The following ZNF789 variants were observed in gnomAD, a reference collection of about 807,000 sequenced individuals.
The protein encoded by ZNF789 is zinc finger protein 789.
A neutral mutation model predicts 15.6 loss-of-function variants in ZNF789; 11 were observed. The observed-to-expected ratio is 0.70, with a 90% CI of 0.44 to 1.16. The LOEUF (loss-of-function observed/expected upper bound fraction) is 1.16, where lower values mean the gene tolerates loss of function less well. Among genes scored for constraint, ZNF789 ranks in the 50% most tolerant of loss-of-function variants. The pLI, the probability that ZNF789 is intolerant of heterozygous loss-of-function variation, is 0.00. For missense variants in ZNF789, 461 were observed against 512.6 expected, an observed-to-expected ratio of 0.90 and a Z score of 0.97; for synonymous variants, 159 against 176.0, an observed-to-expected ratio of 0.90 and a Z score of 0.76.
chr7:99,483,544 T>A (rs1799755837), intron 3 of ZNF789: 2 of 576,896 alleles, frequency 3.5e-6, no homozygotes, highest in Non-Finnish European at 6.3e-6. Flanking sequence ...GGCAGAAGAA[T>A]TACTTGATCC....
intron 4 of ZNF789, among the ~76,000 whole-genome samples, chr7:99,485,647 C>T (rs1438786572): frequency 6.6e-6 from 1 of 152,122 alleles, no homozygotes; most frequent in Non-Finnish European, 1.5e-5. Context: ...GCCTGGCCAA[C>T]ATGGCGAAAT....
At chr7:99,485,205 C>T in intron 4 of ZNF789, 3 of 1,536,060 alleles carry the variant, frequency 2.0e-6, no homozygotes, top group Non-Finnish European at 2.6e-6. Context: ...TGTCCCGATG[C>T]AGCTGCTCCT....
Position 99,487,236 on chromosome 7 carries a change from A to G in ZNF789, c.1026A>G (p.Lys342=), listed in dbSNP as rs1189878988. The change falls in exon 5 of 5, where the codon AAA becomes AAG. Residue 342 remains lysine (K), a synonymous_variant. Coordinates refer to ENST00000331410, the MANE Select transcript of ZNF789 (RefSeq NM_213603.3). ...TTCACAGTAAACCGAACACCCATAA[A>G]TGCAGTGAATGTGGACAGTCCTTTG... ...QQIHSKPNTH[K]CSECGQSFGR... 6.2e-7 allele frequency: 1 copy of G among 1,614,222 alleles called. No individual in the cohort carries two copies. The highest frequency in any genetic ancestry group is 8.5e-7 in the Non-Finnish European group (1 of 1,180,042).
At chr7:99,476,580 T>C in intron 2 of ZNF789, 100 bp downstream of exon 2, 1 of 1,459,682 alleles carries the variant, frequency 6.9e-7, no homozygotes, top group East Asian at 2.5e-5. Flanking sequence ...GAGTTTTCCT[T>C]CTTAGACAGT....
intron 4 of ZNF789, among the ~76,000 whole-genome samples, chr7:99,486,144 C>T (rs1286215535): frequency 6.6e-6 from 1 of 152,066 alleles, no homozygotes; most frequent in Non-Finnish European, 1.5e-5. Flanking sequence ...ATGGTGAAAC[C>T]CCGTCTCTAC....
At chr7:99,477,043 GT>G (rs1466672669) in intron 2 of ZNF789, among the ~76,000 whole-genome samples, 2 of 151,340 alleles carry the variant, frequency 1.3e-5, no homozygotes, top group Non-Finnish European at 2.9e-5. Context: ...AGACTGAGTT[GT>G]TTTGTCTTTT....
chr7:99,475,806 C>CTTTTTT (rs59681284), intron 1 of ZNF789, among the ~76,000 whole-genome samples: 2 of 128,370 alleles, frequency 1.6e-5, no homozygotes, highest in African/African-American at 3.1e-5. Context: ...TTTTTTCTTT[C>CTTTTTT]TTTTTTTTTT....
At chr7:99,485,352 C>A in intron 4 of ZNF789, 3 of 793,002 alleles carry the variant, frequency 3.8e-6, no homozygotes, top group Non-Finnish European at 6.4e-6. Flanking sequence ...CACTAGATGC[C>A]AGTTGAACCT....
At chr7:99,479,449 G>A in intron 2 of ZNF789, 1 of 438,952 alleles carries the variant, frequency 2.3e-6, no homozygotes, top group Admixed American at 4.2e-5. Flanking sequence ...GCCCTTTAGA[G>A]ATTAATTGTG....
chr7:99,476,681 T>G (rs944352571), intron 2 of ZNF789, among the ~76,000 whole-genome samples: 9 of 152,202 alleles, frequency 5.9e-5, no homozygotes, highest in African/African-American at 2.2e-4. Context: ...GTAAAATGGG[T>G]CAGTGAGAGT....
chr7:99,479,802 G>C lies in ZNF789; in HGVS notation c.151+15G>C. On this transcript the variant is annotated intron_variant, in intron 3 of 4. Transcript: ENST00000331410. ...GGTCTTGCTGGGTAGGACACGGCTT[G>C]AAGATTGGGCTTTGTCTGTGTTCTG... 2 of 1,610,762 alleles carry C rather than the reference G, an allele frequency of 1.2e-6. No individual in the cohort carries two copies. Among genetic ancestry groups the C allele is most frequent in the Non-Finnish European group, 1.7e-6 (2 of 1,178,290 alleles).
chr7:99,473,579 T>G (rs1392782158), intron 1 of ZNF789, among the ~76,000 whole-genome samples: 3 of 152,154 alleles, frequency 2.0e-5, no homozygotes, highest in African/African-American at 7.2e-5. Context: ...GAAAAAAGCT[T>G]CTTTCCTGGT....
At position 99,487,498 on chromosome 7, in the gene ZNF789, G is replaced by T. The variant is rs1204084509; in HGVS notation, c.*10G>T. 3 of 1,600,234 alleles carry T rather than the reference G, an allele frequency of 1.9e-6. No homozygotes were observed. In the African/African-American group the frequency reaches 4.0e-5, roughly 22 times the overall value. ...ACAGATATCCACATGATGTTAATTG[G>T]AAAGCAGTCATTGGAGAACTAGAAC... On this transcript the variant is annotated 3_prime_UTR_variant, in exon 5 of 5. Transcript: ENST00000331410.
intron 2 of ZNF789, chr7:99,478,162 C>G: frequency 1.5e-6 from 1 of 662,002 alleles, no homozygotes; most frequent in Non-Finnish European, 2.2e-6. Context: ...CATACTTTTG[C>G]TAAAAATCAG....
At chr7:99,484,246 A>G in intron 4 of ZNF789, 103 bp downstream of exon 4, 2 of 839,992 alleles carry the variant, frequency 2.4e-6, no homozygotes, top group East Asian at 2.5e-5. Context: ...GGTGCTGGGC[A>G]TATATTATCC....
At chr7:99,482,278 G>T in intron 3 of ZNF789, 1 of 776,522 alleles carries the variant, frequency 1.3e-6, no homozygotes, top group Non-Finnish European at 2.4e-6. Flanking sequence ...ACAGCCAAAG[G>T]TATGAACATT....
At chr7:99,478,739 C>T (rs1225629077) in intron 2 of ZNF789, 2 of 227,346 alleles carry the variant, frequency 8.8e-6, no homozygotes, top group African/African-American at 2.2e-5. Flanking sequence ...GTGCTGTGTC[C>T]ACTGTTGCCC....
intron 1 of ZNF789, among the ~76,000 whole-genome samples, chr7:99,475,394 T>TA (rs745801828): frequency 0.016 from 2,334 of 143,006 alleles, 22 homozygotes; most frequent in Middle Eastern, 0.047. Flanking sequence ...AAACTCTGTT[T>TA]AAAAAAAAAA....
chr7:99,487,046 A>T lies in ZNF789; in HGVS notation c.836A>T (p.His279Leu). The T allele has an allele frequency of 6.2e-7, 1 of 1,614,100 alleles. No individual in the cohort carries two copies. Among genetic ancestry groups the T allele is most frequent in the Non-Finnish European group, 8.5e-7 (1 of 1,180,038 alleles). The change falls in exon 5 of 5, where the codon CAC becomes CTC. Residue 279 changes from histidine to leucine, a missense_variant. Coordinates refer to ENST00000331410, the MANE Select transcript of ZNF789 (RefSeq NM_213603.3). Reference sequence around the variant, plus strand: ...TATCTTGTTGAACATAAGAGGATTCACACCAAAGAAAAACCTTATAAATGT... The same window carrying T: ...TATCTTGTTGAACATAAGAGGATTCTCACCAAAGAAAAACCTTATAAATGT... ...LAYLVEHKRI[H>L]TKEKPYKCSK...
Sources: gnomAD v4.1 joint callset for allele counts (sites outside exome capture counted in the v4.1 genomes callset) on GRCh38, gnomAD v4.1.1 for gene constraint, MANE v1.5 for transcripts, NCBI Gene and HGNC (gene_info 2026-07-23, HGNC 2026-07-21) for gene names.